NKAIN2: variants seen among roughly 807,000 people sequenced by gnomAD.
NKAIN2 encodes the protein sodium/potassium-transporting ATPase subunit beta-1-interacting protein 2.
NKAIN2 carries 14 observed loss-of-function variants against 32.6 expected under a neutral mutation model. The observed-to-expected ratio is 0.43, with a 90% CI of 0.28 to 0.67. The LOEUF (loss-of-function observed/expected upper bound fraction) is 0.67, where lower values mean the gene tolerates loss of function less well. Among genes scored for constraint, NKAIN2 ranks in the 30% least tolerant of loss-of-function variants. The pLI is 0.17. For missense variants in NKAIN2, 198 were observed against 258.3 expected (o/e 0.77, Z 1.60); for synonymous variants, 80 against 87.2 (o/e 0.92, Z 0.46).
intron 1 of NKAIN2, among the ~76,000 whole-genome samples, chr6:123,954,186 A>G (rs1777458944): frequency 6.6e-6 from 1 of 152,140 alleles, no homozygotes; most frequent in Non-Finnish European, 1.5e-5. Flanking sequence ...CCTGGGCAGG[A>G]TGTAGTCTGG....
intron 1 of NKAIN2, among the ~76,000 whole-genome samples, chr6:123,996,090 C>G (rs1196753591): frequency 2.0e-5 from 3 of 151,994 alleles, no homozygotes; most frequent in African/African-American, 7.2e-5. Context: ...ACATTTAACA[C>G]AAAGGAAGGG....
chr6:124,299,587 T>G (rs368380318), intron 2 of NKAIN2, among the ~76,000 whole-genome samples: 13 of 152,342 alleles, frequency 8.5e-5, no homozygotes, highest in African/African-American at 2.6e-4. Context: ...AAAAATGTTG[T>G]TTCTATGTCT....
intron 2 of NKAIN2, among the ~76,000 whole-genome samples, chr6:124,337,738 G>A (rs191138737): frequency 4.5e-4 from 68 of 152,294 alleles, no homozygotes; most frequent in African/African-American, 1.6e-3. Context: ...AGCAGGTTGA[G>A]CAGACAGACT....
At chr6:124,252,011 T>A (rs1444402464) in intron 1 of NKAIN2, among the ~76,000 whole-genome samples, 9 of 152,018 alleles carry the variant, frequency 5.9e-5, no homozygotes, top group Admixed American at 1.3e-4. Context: ...TATTGAAACA[T>A]CACTATGTAC....
chr6:124,755,305 C>T (rs1189392831), intron 4 of NKAIN2, among the ~76,000 whole-genome samples: 1 of 152,132 alleles, frequency 6.6e-6, no homozygotes, highest in Non-Finnish European at 1.5e-5. Context: ...CCTTCTTCCA[C>T]CAGCTTTGTT....
chr6:123,872,767 G>T (rs989601609), intron 1 of NKAIN2, among the ~76,000 whole-genome samples: 2 of 151,996 alleles, frequency 1.3e-5, no homozygotes, highest in Non-Finnish European at 2.9e-5. Context: ...TAGATTATGG[G>T]GAATAAAACA....
chr6:123,974,700 G>A (rs951853073), intron 1 of NKAIN2, among the ~76,000 whole-genome samples: 1 of 152,166 alleles, frequency 6.6e-6, no homozygotes, highest in Non-Finnish European at 1.5e-5. Context: ...CTAACACAGA[G>A]GGAAGATTAT....
At chr6:124,735,365 G>A (rs1274343160) in intron 4 of NKAIN2, among the ~76,000 whole-genome samples, 1 of 151,854 alleles carries the variant, frequency 6.6e-6, no homozygotes, top group East Asian at 1.9e-4. Context: ...AATAAGTTTA[G>A]TATGAAGAAT....
chr6:124,165,898 T>A, intron 1 of NKAIN2, among the ~76,000 whole-genome samples: 1 of 117,862 alleles, frequency 8.5e-6, no homozygotes, highest in African/African-American at 3.4e-5. Context: ...TGCCACATTT[T>A]CTTAATCCAG....
At chr6:124,301,222 C>T (rs1323257495) in intron 2 of NKAIN2, among the ~76,000 whole-genome samples, 1 of 152,158 alleles carries the variant, frequency 6.6e-6, no homozygotes, top group Non-Finnish European at 1.5e-5. Context: ...AGGGTGCAAG[C>T]CCCAAGCCTT....
chr6:124,736,856 C>T (rs1562355128), intron 4 of NKAIN2, among the ~76,000 whole-genome samples: 1 of 151,970 alleles, frequency 6.6e-6, no homozygotes, highest in Non-Finnish European at 1.5e-5. Context: ...GCTAACACAA[C>T]AACCATTCTG....
At chr6:124,250,526 A>G (rs1793648888) in intron 1 of NKAIN2, among the ~76,000 whole-genome samples, 1 of 152,092 alleles carries the variant, frequency 6.6e-6, no homozygotes, top group Non-Finnish European at 1.5e-5. Flanking sequence ...AATGAAAACA[A>G]TAAGACCGTA....
chr6:124,153,420 T>G (rs1391733366), intron 1 of NKAIN2, among the ~76,000 whole-genome samples: 1 of 151,820 alleles, frequency 6.6e-6, no homozygotes, highest in Non-Finnish European at 1.5e-5. Flanking sequence ...ACTGATATTT[T>G]GGTTGGAATA....
chr6:124,037,142 G>A (rs1781637241), intron 1 of NKAIN2, among the ~76,000 whole-genome samples: 1 of 152,062 alleles, frequency 6.6e-6, no homozygotes, highest in African/African-American at 2.4e-5. Flanking sequence ...TCACAATGTG[G>A]TAAAAGAGGA....
intron 5 of NKAIN2, among the ~76,000 whole-genome samples, chr6:124,815,618 T>C (rs1398963621): frequency 6.6e-6 from 1 of 152,078 alleles, no homozygotes; most frequent in East Asian, 1.9e-4. Context: ...GTGTAATTAT[T>C]ACACAGTTCT....
intron 1 of NKAIN2, among the ~76,000 whole-genome samples, chr6:123,859,606 C>T (rs1775700501): frequency 6.6e-6 from 1 of 152,190 alleles, no homozygotes; most frequent in South Asian, 2.1e-4. Context: ...TCCATTGGTC[C>T]TGTTATCTAC....
At chr6:124,436,674 C>T (rs1775461004) in intron 3 of NKAIN2, among the ~76,000 whole-genome samples, 1 of 152,112 alleles carries the variant, frequency 6.6e-6, no homozygotes, top group Admixed American at 6.5e-5. Flanking sequence ...CCCGGAATCC[C>T]ACCACTTTTC....
At chr6:124,633,011 T>C (rs1186805587) in intron 3 of NKAIN2, among the ~76,000 whole-genome samples, 2 of 151,764 alleles carry the variant, frequency 1.3e-5, no homozygotes, top group African/African-American at 4.8e-5. Context: ...GAGCATTAAA[T>C]TTTTTTTTGA....
At chr6:124,361,226 A>G (rs2114275634) in intron 3 of NKAIN2, among the ~76,000 whole-genome samples, 1 of 152,220 alleles carries the variant, frequency 6.6e-6, no homozygotes, top group Non-Finnish European at 1.5e-5. Context: ...ATAGTAATAC[A>G]AAGGGAAGAA....
Sources: gnomAD v4.1 joint callset for allele counts (sites outside exome capture counted in the v4.1 genomes callset) on GRCh38, gnomAD v4.1.1 for gene constraint, MANE v1.5 for transcripts, NCBI Gene and HGNC (gene_info 2026-07-23, HGNC 2026-07-21) for gene names.